RAD54L: variants seen among roughly 807,000 people sequenced by gnomAD.
RAD54L encodes the protein RAD54 like, also known as DNA repair and recombination protein RAD54-like.
In RAD54L, 74 loss-of-function variants were observed where a neutral mutation model predicts 91.6. The observed-to-expected ratio is 0.81, with a 90% confidence interval of 0.67 to 0.98. RAD54L has a LOEUF of 0.98. RAD54L is among the 50% of genes least tolerant of loss of function. The pLI is 0.00. For missense variants in RAD54L, 887 were observed against 945.7 expected, an observed-to-expected ratio of 0.94 and a Z score of 0.81; for synonymous variants, 304 against 349.7, an observed-to-expected ratio of 0.87 and a Z score of 1.46.
Position 46,273,625 on chromosome 1 carries a change from T to C in RAD54L, c.1488T>C (p.Gly496=). ...ACTGCTGGTTGCTGCTCTTCCCAGG[T>C]AAGATGCTGGTCCTGGATTATATTC... ...SSKALEPQLS[G]KMLVLDYILA... is the part of the protein sequence containing the mutation. The change falls in exon 14 of 18, where the codon GGT becomes GGC. Residue 496 remains glycine, a splice_region_variant and synonymous_variant. Transcript: ENST00000371975. The C allele has an allele frequency of 1.2e-6, 2 of 1,613,392 alleles. No individual in the cohort carries two copies. Among genetic ancestry groups the C allele is most frequent in the South Asian group, 2.2e-5 (2 of 91,038 alleles).
chr1:46,269,593 G>T (rs2148297049), intron 9 of RAD54L, among the ~76,000 whole-genome samples: 1 of 152,142 alleles, frequency 6.6e-6, no homozygotes, highest in East Asian at 1.9e-4. Context: ...CATTGTCCTA[G>T]ATATTCTTGG....
intron 3 of RAD54L, among the ~76,000 whole-genome samples, chr1:46,254,215 T>C (rs1209161842): frequency 6.6e-6 from 1 of 152,136 alleles, no homozygotes; most frequent in Non-Finnish European, 1.5e-5. Flanking sequence ...CCTTGAGTGA[T>C]CTGCCTGCCT....
At chr1:46,266,893 C>A (rs1318453004) in intron 8 of RAD54L, among the ~76,000 whole-genome samples, 1 of 152,140 alleles carries the variant, frequency 6.6e-6, no homozygotes, top group East Asian at 1.9e-4. Flanking sequence ...GGAATCTTTG[C>A]TTTATGGGTA....
Position 46,253,960 on chromosome 1 carries a change from C to T in RAD54L, c.210+3841C>T, listed in dbSNP as rs1192449884. Among the ~76,000 whole-genome samples, 4 of 151,734 alleles carry T rather than the reference C, an allele frequency of 2.6e-5. No individual in the cohort carries two copies. In the South Asian group the frequency reaches 8.3e-4, roughly 32 times the overall value. ...TATTATAGTTATCTTTATACCAATG[C>T]AGTCTTTTTTGTTTTTGTTTTTTCT... On this transcript the variant is annotated intron_variant, in intron 3 of 17. Transcript: ENST00000371975.
In RAD54L at chr1:46,273,748, G is replaced by T; in HGVS notation, c.1610+1G>T. On this transcript the variant is annotated splice_donor_variant, in intron 14 of 17. Coordinates refer to ENST00000371975, the MANE Select transcript of RAD54L (RefSeq NM_003579.4). LOFTEE classifies it high-confidence loss of function. ...TTGAGAAGCTGTGCCGTGCCCGAAG[G>T]TAGGGAAGATCCTAACCAGGATGCC... is the stretch of plus-strand genomic sequence containing the variant. 1 of 1,603,398 alleles carries T rather than the reference G, an allele frequency of 6.2e-7. No homozygotes were observed. The highest frequency in any genetic ancestry group is 2.2e-5 in the East Asian group (1 of 44,698).
At position 46,274,126 on chromosome 1, in the gene RAD54L, A is replaced by T; in HGVS notation, c.1611-12A>T. On this transcript the variant is annotated splice_polypyrimidine_tract_variant and intron_variant, in intron 14 of 17. Transcript: ENST00000371975. ...GAAGCTTTATTTTCTTGGGTCTCGA[A>T]TCCCCCTTCAGGTACTTATACGTCC... 6.2e-7 allele frequency: 1 copy of T among 1,608,216 alleles called. No individual in the cohort carries two copies. The highest frequency in any genetic ancestry group is 1.1e-5 in the South Asian group (1 of 90,926).
chr1:46,269,154 C>A (rs1342607591), intron 9 of RAD54L, among the ~76,000 whole-genome samples: 3 of 152,156 alleles, frequency 2.0e-5, no homozygotes, highest in Non-Finnish European at 4.4e-5. Flanking sequence ...GTGCTACCTT[C>A]TTCATAAATC....
In RAD54L at chr1:46,278,197, T is replaced by C; in HGVS notation, c.2159T>C (p.Leu720Pro). ...AAGTGGGGGCTCCGGGATGAGGTACTCCAGGCTGCCTGGGATGCTGCCTCC... is the reference window on the plus strand; with the variant it reads ...AAGTGGGGGCTCCGGGATGAGGTACCCCAGGCTGCCTGGGATGCTGCCTCC... Reference protein sequence around the residue: ...TDKWGLRDEVLQAAWDAASTA... With the variant: ...TDKWGLRDEVPQAAWDAASTA... Residue 720 changes from leucine (L) to proline (P), a missense_variant, in exon 18 of 18, where the codon CTC becomes CCC. Transcript: ENST00000371975. The C allele has an allele frequency of 1.2e-6, 2 of 1,613,948 alleles. No homozygotes were observed. The highest frequency in any genetic ancestry group is 1.7e-6 in the Non-Finnish European group (2 of 1,179,964).
intron 3 of RAD54L, 61 bp downstream of exon 3, chr1:46,250,180 C>T (rs1659760329): frequency 6.2e-7 from 1 of 1,604,530 alleles, no homozygotes; most frequent in African/African-American, 1.3e-5. Context: ...CCTAGGTAGA[C>T]TCCTGTCCCT....
chr1:46,253,764 C>T (rs1382036544), intron 3 of RAD54L, among the ~76,000 whole-genome samples: 1 of 96,804 alleles, frequency 1.0e-5, no homozygotes, highest in Non-Finnish European at 1.9e-5. Context: ...TGTGTTCTCA[C>T]CCAGGCTGGA....
intron 16 of RAD54L, among the ~76,000 whole-genome samples, chr1:46,276,828 C>T (rs1182578297): frequency 1.3e-5 from 2 of 152,192 alleles, no homozygotes; most frequent in Non-Finnish European, 2.9e-5. Context: ...GAGATGGAGT[C>T]TTGCTCTTGC....
In RAD54L at chr1:46,263,322, G is replaced by T. The variant is rs1246264811; in HGVS notation, c.891+1937G>T. Among the ~76,000 whole-genome samples, 1 of 152,120 alleles carries T rather than the reference G, an allele frequency of 6.6e-6. No individual in the cohort carries two copies. The highest frequency in any genetic ancestry group is 1.5e-5 in the Non-Finnish European group (1 of 68,026). ...AGAATTTCCCAGGACTTCCCAGTGG[G>T]CTTGGCGACCCTGAGGCTATAGTCA... On this transcript the variant is annotated intron_variant, in intron 8 of 17. Coordinates refer to ENST00000371975, the MANE Select transcript of RAD54L (RefSeq NM_003579.4). This position sits in a 1 kb window ranked among gnomAD's most constrained non-coding sequence, Gnocchi z 4.3.
chr1:46,273,835 A>T, intron 14 of RAD54L, 88 bp downstream of exon 14: 1 of 1,524,314 alleles, frequency 6.6e-7, no homozygotes, highest in Admixed American at 2.0e-5. Context: ...GTGGGCCAAG[A>T]TCTGGGCACA....
intron 10 of RAD54L, among the ~76,000 whole-genome samples, chr1:46,271,103 G>T (rs1394271202): frequency 6.6e-6 from 1 of 152,196 alleles, no homozygotes; most frequent in Non-Finnish European, 1.5e-5. Context: ...CTGTCAGTTG[G>T]TCTCAGACCC....
intron 8 of RAD54L, among the ~76,000 whole-genome samples, chr1:46,266,347 T>G (rs548404728): frequency 6.6e-6 from 1 of 152,346 alleles, no homozygotes; most frequent in South Asian, 2.1e-4. Context: ...TGCATTTAAT[T>G]GCGTTGTCAA....
chr1:46,265,600 T>C lies in RAD54L; in HGVS notation c.892-1859T>C, dbSNP rs1442849453. 6.6e-6 allele frequency among the ~76,000 whole-genome samples: 1 copy of C among 152,162 alleles called. No individual in the cohort carries two copies. The highest frequency in any genetic ancestry group is 1.5e-5 in the Non-Finnish European group (1 of 68,034). On this transcript the variant is annotated intron_variant, in intron 8 of 17. Transcript: ENST00000371975. The surrounding 1 kb of genome is among the most constrained non-coding windows in gnomAD (Gnocchi z 4.8). ...GTTTATTTAATCTTTAATAGCAACA[T>C]TGGTCATTATTTCATTCTTTCATTC... is the stretch of plus-strand genomic sequence containing the variant.
intron 3 of RAD54L, among the ~76,000 whole-genome samples, chr1:46,250,978 A>C (rs1659782622): frequency 6.6e-6 from 1 of 150,524 alleles, no homozygotes; most frequent in Non-Finnish European, 1.5e-5. Flanking sequence ...CAAAAAAAAA[A>C]AACAAAAAAC....
At chr1:46,256,403 CATA>C (rs1659941836) in intron 3 of RAD54L, among the ~76,000 whole-genome samples, 1 of 152,024 alleles carries the variant, frequency 6.6e-6, no homozygotes, top group Admixed American at 6.6e-5. Flanking sequence ...TAGCATTTTT[CATA>C]ATGATTATCA....
In RAD54L at chr1:46,265,954, A is replaced by G. The variant is rs1390625953; in HGVS notation, c.892-1505A>G. 6.6e-6 allele frequency among the ~76,000 whole-genome samples: 1 copy of G among 152,244 alleles called. No homozygotes were observed. The highest frequency in any genetic ancestry group is 1.9e-4 in the East Asian group (1 of 5,200). On this transcript the variant is annotated intron_variant, in intron 8 of 17. Transcript: ENST00000371975. The surrounding 1 kb of genome is among the most constrained non-coding windows in gnomAD (Gnocchi z 4.8). ...TCGTGTGGATTACAGAACAGAATAC[A>G]GGTAAAGTGTTTAGTTAGTACCATG...
Sources: gnomAD v4.1 joint callset for allele counts (sites outside exome capture counted in the v4.1 genomes callset) on GRCh38, gnomAD v4.1.1 for gene constraint, Gnocchi (gnomAD v3.1) non-coding constraint, MANE v1.5 for transcripts, NCBI Gene and HGNC (gene_info 2026-07-23, HGNC 2026-07-21) for gene names.